LITAF: variants seen among roughly 807,000 people sequenced by gnomAD.
LITAF encodes the protein lipopolysaccharide-induced tumor necrosis factor-alpha factor.
Under a neutral mutation model 14.5 loss-of-function variants are expected in LITAF, and 9 were observed. That is an observed-to-expected ratio of 0.62 (90% CI 0.37 to 1.08). The LOEUF (loss-of-function observed/expected upper bound fraction) is 1.08, where lower values mean the gene tolerates loss of function less well. Ranked by LOEUF, LITAF falls within the 50% of genes least tolerant of loss-of-function variation. LITAF has a pLI of 0.01. For synonymous variants in LITAF, 98 were observed against 88.2 expected (o/e 1.11, Z -0.62); for missense variants, 206 against 213.4 (o/e 0.97, Z 0.22).
At chr16:11,633,489 T>A (rs926468934) in intron 3 of LITAF, 2 of 152,250 alleles carry the variant, frequency 1.3e-5, no homozygotes, top group Middle Eastern at 3.4e-3. Context: ...CTAAATACTT[T>A]GCTGATAAAA....
intron 1 of LITAF, among the ~76,000 whole-genome samples, chr16:11,596,493 G>A (rs1358654487): frequency 1.9e-5 from 2 of 106,452 alleles, no homozygotes; most frequent in Non-Finnish European, 1.9e-5. Flanking sequence ...GGGAGGAGGG[G>A]GAGGGGGGAA....
At chr16:11,592,174 A>C (rs2064851002), upstream of LITAF, among the ~76,000 whole-genome samples, 1 of 152,224 alleles carries the variant, frequency 6.6e-6, no homozygotes, top group South Asian at 2.1e-4. Flanking sequence ...CCCACAGAAG[A>C]GGAGAAAATG....
Position 11,598,049 on chromosome 16 carries a change from G to A in LITAF, c.-6+339C>T, listed in dbSNP as rs534347947. Among the ~76,000 whole-genome samples the A allele has an allele frequency of 4.6e-5, 7 of 152,316 alleles. No individual in the cohort carries two copies. In the South Asian group the frequency reaches 1.5e-3, roughly 32 times the overall value. ...GACACCCGAGTAGCTGGGACTACAG[G>A]CATGCGCCACCACGCCCGGGTAATT... On this transcript the variant is annotated intron_variant, in intron 1 of 3. Transcript: ENST00000571627.
At chr16:11,637,897 ACTAT>A (rs1567270778), upstream of LITAF, among the ~76,000 whole-genome samples, 15 of 39,864 alleles carry the variant, frequency 3.8e-4, 4 homozygotes, top group African/African-American at 1.7e-3. Flanking sequence ...AAAAAAAAAA[ACTAT>A]ATATATATAT....
chr16:11,560,070 A>G (rs9922211), intron 1 of LITAF, among the ~76,000 whole-genome samples: 47,293 of 151,976 alleles, frequency 0.31, 7,875 homozygotes, highest in African/African-American at 0.36. Flanking sequence ...GCCAAGGCAG[A>G]CGGATCGCCT....
chr16:11,610,823 G>T (rs1387904763), intron 3 of LITAF, among the ~76,000 whole-genome samples: 2 of 152,120 alleles, frequency 1.3e-5, no homozygotes, highest in Admixed American at 1.3e-4. Context: ...GGGACCAGCT[G>T]GCTCATGGGA....
chr16:11,601,206 T>C (rs947264469), upstream of LITAF, among the ~76,000 whole-genome samples: 1 of 151,938 alleles, frequency 6.6e-6, no homozygotes, highest in Non-Finnish European at 1.5e-5. Flanking sequence ...GAGGCCTTAA[T>C]GTCTGGAGGG....
intron 1 of LITAF, among the ~76,000 whole-genome samples, chr16:11,560,633 C>G (rs1046428792): frequency 6.6e-6 from 1 of 151,564 alleles, no homozygotes; most frequent in East Asian, 1.9e-4. Flanking sequence ...TGTAATGAAG[C>G]TTGCTTTCTG....
upstream of LITAF, among the ~76,000 whole-genome samples, chr16:11,639,321 T>C (rs1231904171): frequency 6.8e-6 from 1 of 147,380 alleles, no homozygotes; most frequent in African/African-American, 2.5e-5. Flanking sequence ...AGACGGGGCA[T>C]GGATAGATGG....
At chr16:11,577,819 G>C (rs1340963564) in intron 1 of LITAF, among the ~76,000 whole-genome samples, 2 of 151,968 alleles carry the variant, frequency 1.3e-5, no homozygotes. Flanking sequence ...CAGCCTCCTG[G>C]GCTCAAGCGA....
At chr16:11,612,574 C>A (rs778885331) in intron 3 of LITAF, among the ~76,000 whole-genome samples, 1 of 152,228 alleles carries the variant, frequency 6.6e-6, no homozygotes, top group Non-Finnish European at 1.5e-5. Flanking sequence ...CGGCCCAGCT[C>A]AGGACGCTCA....
chr16:11,549,902 C>G lies in LITAF; in HGVS notation c.378-157G>C. 1 of 663,076 alleles carries G rather than the reference C, an allele frequency of 1.5e-6. No homozygotes were observed. Among genetic ancestry groups the G allele is most frequent in the Non-Finnish European group, 2.8e-6 (1 of 361,836 alleles). 41.1% of individuals were successfully genotyped at this position (663,076 alleles called of 1,614,324 possible). A position where few individuals can be genotyped will look rare whatever the true frequency, so the allele number is the denominator to read the frequency against. ...ATCATCTTGGATTATCCAGGCGGACCCCTAAAACCCAATGACCTTAGAAGA... is the reference window on the plus strand; with the variant it reads ...ATCATCTTGGATTATCCAGGCGGACGCCTAAAACCCAATGACCTTAGAAGA... On this transcript the variant is annotated intron_variant, in intron 3 of 3. Transcript: ENST00000622633. This position sits in a 1 kb window ranked among gnomAD's most constrained non-coding sequence, Gnocchi z 4.6.
At chr16:11,595,169 T>G (rs1343840316) in intron 1 of LITAF, among the ~76,000 whole-genome samples, 1 of 152,178 alleles carries the variant, frequency 6.6e-6, no homozygotes, top group Non-Finnish European at 1.5e-5. Context: ...TAAAACATGT[T>G]TCCCACATAC....
rs1189402400 is a variant in LITAF at position 11,632,589 on chromosome 16, G to C, written c.85+944C>G. 6.6e-6 allele frequency among the ~76,000 whole-genome samples: 1 copy of C among 152,230 alleles called. No individual in the cohort carries two copies. Among genetic ancestry groups the C allele is most frequent in the Admixed American group, 6.5e-5 (1 of 15,284 alleles). ...GTGGGCTCTTTGGCCTGCGCTCCCT[G>C]GCACGTGGGATCCCTTGGCCCCATC... is the stretch of plus-strand genomic sequence containing the variant. On this transcript the variant is annotated intron_variant, in intron 3 of 3. Transcript: ENST00000574848. This position sits in a 1 kb window ranked among gnomAD's most constrained non-coding sequence, Gnocchi z 4.8.
intron 1 of LITAF, among the ~76,000 whole-genome samples, chr16:11,565,790 C>G (rs1261295999): frequency 6.9e-6 from 1 of 143,946 alleles, no homozygotes; most frequent in Non-Finnish European, 1.5e-5. Context: ...TTCCGTCTGC[C>G]TCCTTCCTGA....
intron 3 of LITAF, among the ~76,000 whole-genome samples, chr16:11,624,109 A>C (rs1433968479): frequency 5.3e-5 from 8 of 152,040 alleles, no homozygotes; most frequent in Non-Finnish European, 1.0e-4. Context: ...ACATAGTAAG[A>C]CCCCATTTCT....
At position 11,632,383 on chromosome 16, in the gene LITAF, GAC is replaced by G. The variant is rs1411885503; in HGVS notation, c.85+1148_85+1149del. On this transcript the variant is annotated intron_variant, in intron 3 of 3. Coordinates refer to the LITAF transcript ENST00000574848. This position sits in a 1 kb window ranked among gnomAD's most constrained non-coding sequence, Gnocchi z 4.8. ...GTGAAGGAGGCACCGAGATGACAGA[GAC>G]AGGGAGAGGGACAGAGACAGGGAGA... 2.0e-5 allele frequency among the ~76,000 whole-genome samples: 3 copies of G among 152,022 alleles called. No homozygotes were observed. Among genetic ancestry groups the G allele is most frequent in the Non-Finnish European group, 4.4e-5 (3 of 67,984 alleles).
upstream of LITAF, chr16:11,587,301 C>A (rs780722431): frequency 1.1e-4 from 50 of 441,130 alleles, no homozygotes; most frequent in Non-Finnish European, 2.1e-4. Context: ...CCCCTCCCCG[C>A]GCCGCTCCAC....
chr16:11,597,607 C>T (rs912229139), intron 1 of LITAF, among the ~76,000 whole-genome samples: 4 of 152,156 alleles, frequency 2.6e-5, no homozygotes, highest in African/African-American at 9.7e-5. Flanking sequence ...ATGCTCAGCC[C>T]CCATGCTGTG....
Sources: allele counts gnomAD v4.1 joint callset (sites outside exome capture counted in the v4.1 genomes callset), GRCh38; gene constraint gnomAD v4.1.1; non-coding constraint Gnocchi (gnomAD v3.1); transcripts MANE v1.5; gene names NCBI Gene and HGNC (gene_info 2026-07-23, HGNC 2026-07-21).